Variants in NFATC2 observed in about 807,000 individuals in gnomAD.
NFATC2 encodes the protein nuclear factor of activated T-cells, cytoplasmic 2.
A neutral mutation model predicts 87.3 loss-of-function variants in NFATC2; 22 were observed. That is an observed-to-expected ratio of 0.25 (90% confidence interval 0.18 to 0.36). The LOEUF is 0.36. NFATC2 is among the 10% of genes least tolerant of loss of function. The pLI is 1.00. For synonymous variants in NFATC2, 565 were observed against 542.2 expected, an observed-to-expected ratio of 1.04 and a Z score of -0.58; for missense variants, 1,149 against 1,259.1, an observed-to-expected ratio of 0.91 and a Z score of 1.32.
intron 1 of NFATC2, among the ~76,000 whole-genome samples, chr20:51,535,439 C>T (rs192526337): frequency 1.3e-5 from 2 of 152,242 alleles, no homozygotes; most frequent in African/African-American, 4.8e-5. Context: ...GACAGTGGGG[C>T]CTGTGTAACC....
intron 3 of NFATC2, among the ~76,000 whole-genome samples, chr20:51,483,408 C>T (rs1989432868): frequency 6.6e-6 from 1 of 151,964 alleles, no homozygotes; most frequent in Admixed American, 6.6e-5. Context: ...AGATTTCACT[C>T]TGAAAGAAAG....
intron 9 of NFATC2, among the ~76,000 whole-genome samples, chr20:51,400,266 C>T (rs1056031539): frequency 2.0e-5 from 3 of 152,204 alleles, no homozygotes; most frequent in African/African-American, 7.2e-5. Flanking sequence ...CACGTTGTCA[C>T]TTTATCCATA....
chr20:51,559,797 AT>A (rs1361313951), intron 1 of NFATC2, among the ~76,000 whole-genome samples: 2 of 152,196 alleles, frequency 1.3e-5, no homozygotes, highest in African/African-American at 4.8e-5. Context: ...GGGTCTCACT[AT>A]CCTCAACTGT....
chr20:51,460,899 T>A (rs1386990740), intron 5 of NFATC2, among the ~76,000 whole-genome samples: 9 of 152,136 alleles, frequency 5.9e-5, no homozygotes, highest in African/African-American at 2.2e-4. Flanking sequence ...CCAGGCCACA[T>A]CCCTCACCCT....
intron 10 of NFATC2, among the ~76,000 whole-genome samples, chr20:51,398,406 C>G (rs986328240): frequency 6.6e-6 from 1 of 152,184 alleles, no homozygotes; most frequent in African/African-American, 2.4e-5. Context: ...AATCGGGGAG[C>G]ATGCAAGTTA....
At chr20:51,401,802 G>T (rs1256061428) in intron 9 of NFATC2, among the ~76,000 whole-genome samples, 1 of 152,116 alleles carries the variant, frequency 6.6e-6, no homozygotes, top group Non-Finnish European at 1.5e-5. Flanking sequence ...AATTAGAAGT[G>T]GTTCACTGAT....
At chr20:51,469,794 G>A (rs1329067577) in intron 5 of NFATC2, among the ~76,000 whole-genome samples, 1 of 152,168 alleles carries the variant, frequency 6.6e-6, no homozygotes, top group Non-Finnish European at 1.5e-5. Flanking sequence ...AAGCTGGCGG[G>A]GATGGCACCG....
chr20:51,475,760 A>G (rs1224157383), intron 3 of NFATC2, 100 bp from the exon 4 acceptor site: 2 of 1,132,176 alleles, frequency 1.8e-6, no homozygotes, highest in African/African-American at 1.6e-5. Context: ...TAGAGAGACT[A>G]TGGGATTTCT....
intron 3 of NFATC2, among the ~76,000 whole-genome samples, chr20:51,479,428 G>C (rs1045123908): frequency 2.0e-5 from 3 of 152,088 alleles, no homozygotes; most frequent in African/African-American, 7.2e-5. Context: ...GACAAGCGTG[G>C]ACAACATGGC....
chr20:51,442,963 T>C (rs948439568), intron 6 of NFATC2, among the ~76,000 whole-genome samples: 1 of 152,150 alleles, frequency 6.6e-6, no homozygotes, highest in Non-Finnish European at 1.5e-5. Flanking sequence ...CAGGGTTGCT[T>C]ATGTCTACTG....
intron 6 of NFATC2, among the ~76,000 whole-genome samples, chr20:51,449,477 G>A (rs1266491273): frequency 6.6e-6 from 1 of 152,148 alleles, no homozygotes; most frequent in East Asian, 1.9e-4. Flanking sequence ...AGTTAGGCAT[G>A]GAAGGGTCAG....
At chr20:51,410,453 G>A (rs777273376) in intron 9 of NFATC2, among the ~76,000 whole-genome samples, 38 of 151,970 alleles carry the variant, frequency 2.5e-4, no homozygotes, top group Non-Finnish European at 4.6e-4. Flanking sequence ...TTAGGGGGAG[G>A]GGTAAGTACA....
At chr20:51,397,425 C>T (rs1987332210) in intron 10 of NFATC2, among the ~76,000 whole-genome samples, 1 of 152,186 alleles carries the variant, frequency 6.6e-6, no homozygotes, top group South Asian at 2.1e-4. Context: ...CAGTAAATCC[C>T]CTCCCAGGCC....
At chr20:51,405,350 C>G (rs1045976849) in intron 9 of NFATC2, among the ~76,000 whole-genome samples, 1 of 152,192 alleles carries the variant, frequency 6.6e-6, no homozygotes, top group African/African-American at 2.4e-5. Flanking sequence ...GGAGACACCA[C>G]TCAGGAAGAT....
chr20:51,470,204 T>C (rs1426330865), intron 5 of NFATC2, among the ~76,000 whole-genome samples: 1 of 152,028 alleles, frequency 6.6e-6, no homozygotes, highest in Non-Finnish European at 1.5e-5. Flanking sequence ...GGTGGGGTTA[T>C]CTACATGGAG....
At position 51,542,566 on chromosome 20, in the gene NFATC2, C is replaced by A; in HGVS notation, c.-67G>T. Reference sequence around the variant, plus strand: ...GGGCGCGGCTGGCTCTGGGACCCCTCGCAGTGGGGCTGGCGGAGGCGGCTC... The same window carrying A: ...GGGCGCGGCTGGCTCTGGGACCCCTAGCAGTGGGGCTGGCGGAGGCGGCTC... On this transcript the variant is annotated 5_prime_UTR_variant, in exon 1 of 11. Transcript: ENST00000371564. The A allele has an allele frequency of 7.8e-7, 1 of 1,286,428 alleles. No individual in the cohort carries two copies. The highest frequency in any genetic ancestry group is 9.9e-7 in the Non-Finnish European group (1 of 1,015,042). 79.7% of individuals were successfully genotyped at this position (1,286,428 alleles called of 1,614,324 possible). A position where few individuals can be genotyped will look rare whatever the true frequency, so the allele number is the denominator to read the frequency against.
At chr20:51,528,315 A>G (rs1198293535) in intron 1 of NFATC2, among the ~76,000 whole-genome samples, 1 of 152,164 alleles carries the variant, frequency 6.6e-6, no homozygotes, top group Non-Finnish European at 1.5e-5. Flanking sequence ...ACATGGAATG[A>G]CCACTGAGAT....
intron 10 of NFATC2, among the ~76,000 whole-genome samples, chr20:51,395,939 C>T (rs569904485): frequency 1.3e-4 from 19 of 151,140 alleles, no homozygotes; most frequent in East Asian, 9.8e-4. Context: ...ATAGACAGTA[C>T]GCAAATGGGC....
At chr20:51,391,901 CAT>C (rs1359669302) in intron 10 of NFATC2, among the ~76,000 whole-genome samples, 1 of 152,154 alleles carries the variant, frequency 6.6e-6, no homozygotes, top group Non-Finnish European at 1.5e-5. Context: ...TTTCCTATAT[CAT>C]ATTTTCTTCA....
Sources: gnomAD v4.1 joint callset for allele counts (sites outside exome capture counted in the v4.1 genomes callset) on GRCh38, gnomAD v4.1.1 for gene constraint, MANE v1.5 for transcripts, NCBI Gene and HGNC (gene_info 2026-07-23, HGNC 2026-07-21) for gene names.